The following SCMH1 variants were observed in gnomAD, a reference collection of about 807,000 sequenced individuals.
The protein encoded by SCMH1 is polycomb protein SCMH1.
A neutral mutation model predicts 70.8 loss-of-function variants in SCMH1; 37 were observed. That is an observed-to-expected ratio of 0.52 (90% confidence interval 0.40 to 0.69). The LOEUF (loss-of-function observed/expected upper bound fraction) is 0.69. SCMH1 is among the 30% of genes least tolerant of loss of function. The probability of loss-of-function intolerance (pLI) is 0.00; values close to 1 mark genes in which losing one functional copy is unlikely to be tolerated. For synonymous variants in SCMH1, 292 were observed against 307.4 expected (o/e 0.95, Z 0.52); for missense variants, 607 against 827.3 (o/e 0.73, Z 3.27).
chr1:41,206,914 C>T (rs192756003), intron 1 of SCMH1, among the ~76,000 whole-genome samples: 32 of 152,284 alleles, frequency 2.1e-4, no homozygotes, highest in East Asian at 3.9e-4. Flanking sequence ...GAATTTTCAA[C>T]GCAGAATTTC....
intron 9 of SCMH1, among the ~76,000 whole-genome samples, chr1:41,071,073 CTTTA>C (rs1469942496): frequency 3.9e-5 from 6 of 152,002 alleles, no homozygotes; most frequent in African/African-American, 1.4e-4. Flanking sequence ...TTACTTTGTA[CTTTA>C]TTTCTCTCTT....
intron 2 of SCMH1, among the ~76,000 whole-genome samples, chr1:41,181,260 G>A (rs1156238747): frequency 6.6e-6 from 1 of 152,102 alleles, no homozygotes; most frequent in Non-Finnish European, 1.5e-5. Context: ...AGAAAACCTA[G>A]GCAATACCAT....
Position 41,113,481 on chromosome 1 carries a change from G to C in SCMH1, c.547C>G (p.Leu183Val). The C allele has an allele frequency of 6.2e-7, 1 of 1,613,940 alleles. No individual in the cohort carries two copies. Among genetic ancestry groups the C allele is most frequent in the Admixed American group, 1.7e-5 (1 of 60,002 alleles). Reference sequence around the variant, plus strand: ...GGGTTCTTCCTGTCCACAGCTTCTAGCTTCATTCCCATTTTGAAGAAGTTG... The same window carrying C: ...GGGTTCTTCCTGTCCACAGCTTCTACCTTCATTCCCATTTTGAAGAAGTTG... The change falls in exon 8 of 15, where the codon CTA becomes GTA. Residue 183 changes from leucine (L) to valine (V), a missense_variant. Around this residue, in one of 3 missense-constraint regions of SCMH1, gnomAD observed 105 missense variants for 214.5 expected, o/e 0.49. Coordinates refer to ENST00000337495, the Ensembl canonical transcript of SCMH1. This position sits in a 1 kb window ranked among gnomAD's most constrained non-coding sequence, Gnocchi z 4.3.
chr1:41,043,926 T>C (rs1015574286), intron 12 of SCMH1: 2 of 152,148 alleles, frequency 1.3e-5, no homozygotes, highest in African/African-American at 4.8e-5. Flanking sequence ...TATATGTGTA[T>C]ATATAGTTAG....
chr1:41,142,740 TG>T (rs1461846062), intron 6 of SCMH1, 137 bp downstream of exon 6: 2 of 661,232 alleles, frequency 3.0e-6, no homozygotes, highest in East Asian at 5.4e-5. Context: ...TGTTTCATTT[TG>T]GGTGGGCCTT....
intron 8 of SCMH1, among the ~76,000 whole-genome samples, chr1:41,088,157 T>C (rs1337084192): frequency 6.6e-6 from 1 of 152,028 alleles, no homozygotes; most frequent in Non-Finnish European, 1.5e-5. Flanking sequence ...AAAGAGAATA[T>C]AGAGCATGCT....
At chr1:41,184,716 T>C (rs1649717025) in intron 2 of SCMH1, among the ~76,000 whole-genome samples, 1 of 152,056 alleles carries the variant, frequency 6.6e-6, no homozygotes, top group Non-Finnish European at 1.5e-5. Flanking sequence ...CACTAAAATG[T>C]ACAAGCAGAA....
intron 8 of SCMH1, among the ~76,000 whole-genome samples, chr1:41,083,061 G>A (rs2148959502): frequency 6.6e-6 from 1 of 152,244 alleles, no homozygotes; most frequent in South Asian, 2.1e-4. Context: ...TTGAAAACTG[G>A]CACAAGACAG....
intron 1 of SCMH1, among the ~76,000 whole-genome samples, chr1:41,207,646 A>G (rs1200122412): frequency 6.6e-6 from 1 of 152,210 alleles, no homozygotes; most frequent in Non-Finnish European, 1.5e-5. Flanking sequence ...ACAGGTTAAC[A>G]AGGATATCCA....
chr1:41,038,439 T>G (rs1645618087), intron 12 of SCMH1, among the ~76,000 whole-genome samples: 1 of 152,162 alleles, frequency 6.6e-6, no homozygotes, highest in South Asian at 2.1e-4. Flanking sequence ...ACACTGTCCT[T>G]TATCATTTTT....
chr1:41,074,279 G>A (rs1423730976), intron 9 of SCMH1, among the ~76,000 whole-genome samples: 2 of 152,106 alleles, frequency 1.3e-5, no homozygotes, highest in Non-Finnish European at 2.9e-5. Context: ...GGGAAGCAGT[G>A]ACCTTGGAAG....
intron 1 of SCMH1, among the ~76,000 whole-genome samples, chr1:41,206,231 T>A (rs1372181297): frequency 6.6e-6 from 1 of 152,136 alleles, no homozygotes; most frequent in Non-Finnish European, 1.5e-5. Flanking sequence ...GAAGGTCAGT[T>A]AATAACAAAC....
At chr1:41,115,297 A>G (rs929497863) in intron 7 of SCMH1, among the ~76,000 whole-genome samples, 2 of 152,224 alleles carry the variant, frequency 1.3e-5, no homozygotes, top group Non-Finnish European at 2.9e-5. Context: ...TGGATTTTCC[A>G]ATTTTACCAT....
In SCMH1 at chr1:41,060,966, T is replaced by A. The variant is rs537116607; in HGVS notation, c.1105+9629A>T. ...CCTCCCAAAGTAGTGAGATTAAAGA[T>A]GTTAGCCACCATGCCTGGCCTATTT... On this transcript the variant is annotated intron_variant, in intron 10 of 14. Coordinates refer to ENST00000337495, the Ensembl canonical transcript of SCMH1. Among the ~76,000 whole-genome samples, 27 of 152,272 alleles carry A rather than the reference T, an allele frequency of 1.8e-4. No homozygotes were observed. In the East Asian group the frequency reaches 3.3e-3, roughly 18 times the overall value.
intron 8 of SCMH1, among the ~76,000 whole-genome samples, chr1:41,108,369 C>A (rs1318702597): frequency 1.3e-5 from 2 of 152,134 alleles, no homozygotes; most frequent in Admixed American, 6.5e-5. Context: ...GCTTTCCCAG[C>A]CTGAAATCAG....
intron 1 of SCMH1, among the ~76,000 whole-genome samples, chr1:41,191,307 A>G (rs1333128716): frequency 6.6e-6 from 1 of 152,238 alleles, no homozygotes; most frequent in African/African-American, 2.4e-5. Context: ...TGTCTGCTTT[A>G]TTTTACACAG....
chr1:41,154,801 T>G (rs145470000), intron 4 of SCMH1, among the ~76,000 whole-genome samples: 2 of 152,246 alleles, frequency 1.3e-5, no homozygotes, highest in Non-Finnish European at 2.9e-5. Context: ...TATTCCAACA[T>G]TATAATTCAA....
chr1:41,208,856 G>A (rs1656280684), intron 1 of SCMH1, among the ~76,000 whole-genome samples: 1 of 152,130 alleles, frequency 6.6e-6, no homozygotes, highest in African/African-American at 2.4e-5. Context: ...AAAGCTAGCG[G>A]AAGGCAAGAA....
rs757437627 is a variant in SCMH1 at position 41,028,183 on chromosome 1, C to T, written c.*11G>A. On this transcript the variant is annotated 3_prime_UTR_variant, in exon 15 of 15. Coordinates refer to ENST00000337495, the Ensembl canonical transcript of SCMH1. ...TGCTGCCACTTGGTTGTCTAGGCTG[C>T]CTCTCCTGGTTCAGAACTTGCCCTG... 4 of 1,613,904 alleles carry T rather than the reference C, an allele frequency of 2.5e-6. No homozygotes were observed. The African/African-American group carries it at 4.0e-5, about 16-fold the overall frequency.
Sources: allele counts gnomAD v4.1 joint callset (sites outside exome capture counted in the v4.1 genomes callset), GRCh38; gene constraint gnomAD v4.1.1; regional missense constraint gnomAD v4.1.1; non-coding constraint Gnocchi (gnomAD v3.1); transcripts MANE v1.5; gene names NCBI Gene and HGNC (gene_info 2026-07-23, HGNC 2026-07-21).